SYAP1: variants seen among roughly 807,000 people sequenced by gnomAD.
SYAP1 encodes synapse associated protein 1, also known as synapse-associated protein 1.
In SYAP1, 3 loss-of-function variants were observed where a neutral mutation model predicts 29.6. That is an observed-to-expected ratio of 0.10 (90% confidence interval 0.05 to 0.26). The LOEUF is 0.26. Ranked by LOEUF, SYAP1 falls within the 10% of genes least tolerant of loss-of-function variation. SYAP1 has a pLI of 1.00. For missense variants in SYAP1, 217 were observed against 264.1 expected (o/e 0.82, Z 1.24); for synonymous variants, 102 against 102.7 (o/e 0.99, Z 0.04).
intron 3 of SYAP1, among the ~76,000 whole-genome samples, chrX:16,739,810 C>G (rs778770628): frequency 9.0e-6 from 1 of 111,536 alleles, no homozygotes; most frequent in African/African-American, 3.3e-5. Flanking sequence ...GTTGCAAGAC[C>G]AGTAGGGCTA....
At chrX:16,741,647 A>G (rs778423259) in intron 3 of SYAP1, 69 bp from the exon 4 acceptor site, 5 of 790,241 alleles carry the variant, frequency 6.3e-6, no homozygotes, top group African/African-American at 4.2e-5. Context: ...CTTTGAAACC[A>G]TAGACTGCAG....
chrX:16,736,217 C>A lies in SYAP1; in HGVS notation c.346C>A (p.His116Asn), dbSNP rs1194570302. The part of the protein sequence containing the change: ...KEQKKFVEEQ[H>N]TKKSEAAVPP... ...ACAGAAAAAATTTGTTGAAGAGCAA[C>A]ATACAAAGAAGTCAGGTATGGTATA... The change falls in exon 3 of 9, where the codon CAT (histidine) becomes AAT (asparagine). Residue 116 changes from histidine to asparagine, a missense_variant. Coordinates refer to ENST00000380155, the MANE Select transcript of SYAP1 (RefSeq NM_032796.4). The A allele has an allele frequency of 8.4e-7, 1 of 1,191,914 alleles. No homozygotes were observed. The highest frequency in any genetic ancestry group is 3.0e-5 in the East Asian group (1 of 33,744).
At chrX:16,726,789 ACT>A (rs1324181700) in intron 1 of SYAP1, among the ~76,000 whole-genome samples, 3 of 111,195 alleles carry the variant, frequency 2.7e-5, no homozygotes, top group East Asian at 5.6e-4. Context: ...TCCCGGTAGC[ACT>A]CTCTGTTTCA....
intron 1 of SYAP1, among the ~76,000 whole-genome samples, chrX:16,726,327 G>T (rs992421911): frequency 9.0e-6 from 1 of 111,304 alleles, no homozygotes; most frequent in Non-Finnish European, 1.9e-5. Context: ...GTGCTGAGGT[G>T]ATTACCCTTA....
chrX:16,740,917 C>G (rs1053108545), intron 3 of SYAP1, among the ~76,000 whole-genome samples: 2 of 111,164 alleles, frequency 1.8e-5, no homozygotes, highest in Admixed American at 9.7e-5. Context: ...AGGAACATTC[C>G]AACATCCTTT....
chrX:16,731,624 T>C (rs1321210389), intron 1 of SYAP1, among the ~76,000 whole-genome samples: 1 of 111,865 alleles, frequency 8.9e-6, no homozygotes, highest in Admixed American at 9.6e-5. Context: ...ATTAAACCAA[T>C]ATCAGTGTTT....
At chrX:16,732,945 T>C (rs1268383238) in intron 1 of SYAP1, among the ~76,000 whole-genome samples, 2 of 112,010 alleles carry the variant, frequency 1.8e-5, no homozygotes, top group East Asian at 5.7e-4. Flanking sequence ...GTTTTGAAGA[T>C]TGTTGATCAG....
At chrX:16,731,566 T>C (rs1332393720) in intron 1 of SYAP1, among the ~76,000 whole-genome samples, 1 of 112,163 alleles carries the variant, frequency 8.9e-6, no homozygotes, top group African/African-American at 3.2e-5. Flanking sequence ...GGCCACAAGA[T>C]CAGAGGTTAG....
intron 5 of SYAP1, among the ~76,000 whole-genome samples, chrX:16,748,311 G>A (rs909401591): frequency 3.6e-5 from 4 of 111,770 alleles, no homozygotes; most frequent in Admixed American, 1.9e-4. Context: ...CTGTTTTGTC[G>A]AAAATTTCCA....
chrX:16,744,362 G>A (rs1473435106), intron 5 of SYAP1, among the ~76,000 whole-genome samples: 1 of 112,585 alleles, frequency 8.9e-6, no homozygotes, highest in African/African-American at 3.2e-5. Context: ...CTTCCCTTGG[G>A]TGTTCTGTCT....
intron 1 of SYAP1, among the ~76,000 whole-genome samples, chrX:16,723,642 C>T (rs909156136): frequency 2.7e-5 from 3 of 112,173 alleles, no homozygotes; most frequent in African/African-American, 9.7e-5. Context: ...AATATAGTAT[C>T]TTTGAAAAAT....
In SYAP1 at chrX:16,743,843, A is replaced by G. The variant is rs1926534093; in HGVS notation, c.575+3A>G. 1 of 1,206,226 alleles carries G rather than the reference A, an allele frequency of 8.3e-7. No individual in the cohort carries two copies. The highest frequency in any genetic ancestry group is 1.1e-6 in the Non-Finnish European group (1 of 893,602). On this transcript the variant is annotated splice_donor_region_variant and intron_variant, in intron 5 of 8. Coordinates refer to ENST00000380155, the MANE Select transcript of SYAP1 (RefSeq NM_032796.4). ...AGATTTGCCCTCGTTCCTAAACTGT[A>G]AGCAGAGTGTTCTCCAGCGTTTCCT...
intron 1 of SYAP1, among the ~76,000 whole-genome samples, chrX:16,731,872 G>A (rs777529016): frequency 4.5e-5 from 5 of 110,496 alleles, no homozygotes; most frequent in Admixed American, 9.7e-5. Flanking sequence ...CTCAGGAGGC[G>A]GAGGTTGCAG....
chrX:16,746,851 G>A (rs961196943), intron 5 of SYAP1, among the ~76,000 whole-genome samples: 1 of 112,544 alleles, frequency 8.9e-6, no homozygotes. Context: ...GCCTCCCAGA[G>A]TGCTGAGATT....
chrX:16,758,283 A>T (rs1384226253), intron 8 of SYAP1, among the ~76,000 whole-genome samples: 1 of 109,060 alleles, frequency 9.2e-6, no homozygotes, highest in African/African-American at 3.4e-5. Flanking sequence ...GGGCTCAAGC[A>T]ATCTTGCCAC....
At chrX:16,755,830 C>T (rs1037324902) in intron 6 of SYAP1, among the ~76,000 whole-genome samples, 4 of 111,884 alleles carry the variant, frequency 3.6e-5, no homozygotes, top group African/African-American at 1.3e-4. Context: ...TAGTGAGTAC[C>T]TGCTGTGTAT....
At chrX:16,736,489 C>T (rs1285663902) in intron 3 of SYAP1, 1 of 281,710 alleles carries the variant, frequency 3.5e-6, no homozygotes, top group Admixed American at 5.8e-5. Context: ...AGTAAGCTTT[C>T]AGTTCTGACT....
intron 1 of SYAP1, among the ~76,000 whole-genome samples, chrX:16,728,991 A>T (rs1164757710): frequency 9.3e-6 from 1 of 107,253 alleles, no homozygotes; most frequent in Non-Finnish European, 1.9e-5. Context: ...GTGAGCCGAG[A>T]TCACACCACT....
At chrX:16,744,425 T>C (rs1926548464) in intron 5 of SYAP1, among the ~76,000 whole-genome samples, 1 of 112,928 alleles carries the variant, frequency 8.9e-6, no homozygotes, top group East Asian at 2.8e-4. Context: ...AGCTGTCGCA[T>C]GTTTGGAGTC....
Sources: gnomAD v4.1 joint callset for allele counts (sites outside exome capture counted in the v4.1 genomes callset) on GRCh38, gnomAD v4.1.1 for gene constraint, MANE v1.5 for transcripts, NCBI Gene and HGNC (gene_info 2026-07-23, HGNC 2026-07-21) for gene names.